The following CEP135 variants were observed in gnomAD, a reference collection of about 807,000 sequenced individuals.
CEP135 encodes the protein centrosomal protein 135.
Under a neutral mutation model 157.3 loss-of-function variants are expected in CEP135, and 142 were observed. That is an observed-to-expected ratio of 0.90 (90% confidence interval 0.79 to 1.04). The LOEUF (loss-of-function observed/expected upper bound fraction) is 1.04. CEP135 is among the 50% of genes least tolerant of loss of function. The pLI is 0.00. For missense variants in CEP135, 1,317 were observed against 1,309.2 expected (o/e 1.01, Z -0.09); for synonymous variants, 396 against 439.8 (o/e 0.90, Z 1.25).
intron 21 of CEP135, among the ~76,000 whole-genome samples, chr4:56,015,316 A>C (rs762565435): frequency 6.6e-6 from 1 of 152,222 alleles, no homozygotes; most frequent in Non-Finnish European, 1.5e-5. Context: ...TTCACCTTCA[A>C]GAAAAGGACA....
rs182860954 is a variant in CEP135 at position 55,972,946 on chromosome 4, C to T, written c.1249+1538C>T. Among the ~76,000 whole-genome samples, 709 of 152,108 alleles carry T rather than the reference C, an allele frequency of 4.7e-3. 4 individuals carry two copies. Among genetic ancestry groups the T allele is most frequent in the Middle Eastern group, 0.031 (9 of 294 alleles). ...ACTCAGGAGGCTGAGGCAGGAGAATCGCTTGAACCCGGAGGCGGAGGTTGC... is the reference window on the plus strand; with the variant it reads ...ACTCAGGAGGCTGAGGCAGGAGAATTGCTTGAACCCGGAGGCGGAGGTTGC... On this transcript the variant is annotated intron_variant, in intron 10 of 25. Transcript: ENST00000257287.
chr4:56,023,794 T>C (rs1046243496), intron 24 of CEP135, among the ~76,000 whole-genome samples: 1 of 141,522 alleles, frequency 7.1e-6, no homozygotes, highest in Non-Finnish European at 1.5e-5. Context: ...ATATAGTATA[T>C]TTATATATTA....
chr4:55,978,373 C>T (rs1214124004), intron 11 of CEP135, among the ~76,000 whole-genome samples: 1 of 152,036 alleles, frequency 6.6e-6, no homozygotes, highest in African/African-American at 2.4e-5. Flanking sequence ...AGAAAATATT[C>T]AAAATACTAT....
chr4:55,954,745 A>AT lies in CEP135; in HGVS notation c.472+366dup, dbSNP rs1728457794. Among the ~76,000 whole-genome samples, 3 of 152,250 alleles carry AT rather than the reference A, an allele frequency of 2.0e-5. No individual in the cohort carries two copies. In the South Asian group the frequency reaches 6.2e-4, roughly 32 times the overall value. On this transcript the variant is annotated intron_variant, in intron 4 of 25. Transcript: ENST00000257287. ...TGGAAATTATGTACTTTCTTAGTTTATTTTACTATTTTTAGCATTATGCTT... is the reference window on the plus strand; with the variant it reads ...TGGAAATTATGTACTTTCTTAGTTTATTTTTACTATTTTTAGCATTATGCTT...
chr4:56,011,555 T>A, intron 20 of CEP135, 33 bp downstream of exon 20: 1 of 1,436,650 alleles, frequency 7.0e-7, no homozygotes, highest in Non-Finnish European at 9.5e-7. Context: ...GATTTAAGAC[T>A]GAGGTTTTTT....
chr4:55,994,780 G>C (rs1287567837), intron 15 of CEP135, among the ~76,000 whole-genome samples: 1 of 150,156 alleles, frequency 6.7e-6, no homozygotes, highest in Non-Finnish European at 1.5e-5. Flanking sequence ...CTACCTCCCA[G>C]CTTCAAGCAA....
At chr4:55,994,882 C>T (rs897215181) in intron 15 of CEP135, among the ~76,000 whole-genome samples, 1 of 151,968 alleles carries the variant, frequency 6.6e-6, no homozygotes, top group Non-Finnish European at 1.5e-5. Context: ...GAAGGGGTTT[C>T]ACCATGTTGG....
At chr4:55,984,085 CAG>C (rs1222177517) in intron 13 of CEP135, among the ~76,000 whole-genome samples, 1 of 152,228 alleles carries the variant, frequency 6.6e-6, no homozygotes, top group East Asian at 1.9e-4. Flanking sequence ...ACACTGAAGT[CAG>C]AGTTATCTTT....
intron 14 of CEP135, among the ~76,000 whole-genome samples, chr4:55,990,695 G>A (rs1243692328): frequency 1.3e-5 from 2 of 151,940 alleles, no homozygotes; most frequent in Admixed American, 6.6e-5. Context: ...TAGAGACAGG[G>A]TCTCACTGTG....
chr4:55,953,167 T>A lies in CEP135; in HGVS notation c.196T>A (p.Phe66Ile). 6.2e-7 allele frequency: 1 copy of A among 1,608,438 alleles called. No homozygotes were observed. Among genetic ancestry groups the A allele is most frequent in the Non-Finnish European group, 8.5e-7 (1 of 1,178,318 alleles). ...KAEKESANFD[F>I]VLEPYKLENA... ...TGAAAAAGAAAGTGCCAATTTTGATTTTGTTTTGGAACCCTATAAACTTGA... is the reference window on the plus strand; with the variant it reads ...TGAAAAAGAAAGTGCCAATTTTGATATTGTTTTGGAACCCTATAAACTTGA... Residue 66 changes from phenylalanine (F) to isoleucine (I), a missense_variant, in exon 3 of 26, where the codon TTT becomes ATT. Physicochemically the swap from Phe to Ile is conservative, Grantham distance 21. Transcript: ENST00000257287.
rs1337988103 is a variant in CEP135, at chr4:56,020,667, GT to G, written c.3216-4del. 1.4e-5 allele frequency: 22 copies of G among 1,609,660 alleles called. No individual in the cohort carries two copies. In the East Asian group the frequency reaches 4.9e-4, roughly 36 times the overall value. ...CGTTTATTTCTTGATTTTTTAATTT[GT>G]TTTTAAGAACTAGTCAAAGCCGGGA... On this transcript the variant is annotated splice_region_variant and splice_polypyrimidine_tract_variant and intron_variant, in intron 23 of 25. Transcript: ENST00000257287.
chr4:55,999,354 T>C lies in CEP135; in HGVS notation c.2062T>C (p.Ser688Pro), dbSNP rs201809711. 4.3e-6 allele frequency: 7 copies of C among 1,614,178 alleles called. No homozygotes were observed. Among genetic ancestry groups the C allele is most frequent in the Admixed American group, 1.7e-5 (1 of 60,022 alleles). The change falls in exon 16 of 26, where the codon TCC becomes CCC. Residue 688 changes from serine to proline, a missense_variant. Coordinates refer to ENST00000257287, the MANE Select transcript of CEP135 (RefSeq NM_025009.5). ...RSVDDYQHRL[S>P]IKRGELESAQ... ...AGTTGATGACTATCAGCACCGACTT[T>C]CCATAAAAAGAGGTGAACTTGAATC... is the stretch of plus-strand genomic sequence containing the variant.
chr4:55,951,315 T>G (rs961953958), intron 1 of CEP135, among the ~76,000 whole-genome samples: 5 of 152,230 alleles, frequency 3.3e-5, no homozygotes, highest in Admixed American at 6.5e-5. Context: ...ATAAAAAAAC[T>G]GCCAGACTTT....
At chr4:56,026,686 C>T (rs1039178675) in intron 25 of CEP135, among the ~76,000 whole-genome samples, 8 of 152,176 alleles carry the variant, frequency 5.3e-5, no homozygotes, top group African/African-American at 1.9e-4. Flanking sequence ...TGTGTATGTT[C>T]AAGCTCTAGG....
chr4:55,967,998 A>G (rs568618265), intron 8 of CEP135, among the ~76,000 whole-genome samples: 1 of 152,360 alleles, frequency 6.6e-6, no homozygotes, highest in African/African-American at 2.4e-5. Flanking sequence ...AGATGGCATA[A>G]TTTTATATGT....
chr4:56,008,509 GC>G, intron 18 of CEP135, 127 bp downstream of exon 18: 1 of 712,336 alleles, frequency 1.4e-6, no homozygotes, highest in South Asian at 1.8e-5. Context: ...GTCAATGGTA[GC>G]ATCATTTTCT....
chr4:56,033,060 G>A lies in CEP135; in HGVS notation c.*1712G>A, dbSNP rs1731417572. 1 of 151,916 alleles carries A rather than the reference G, an allele frequency of 6.6e-6. No homozygotes were observed. Among genetic ancestry groups the A allele is most frequent in the African/African-American group, 2.4e-5 (1 of 41,362 alleles). The allele number at this position is 151,916 out of a possible 1,614,324, so 9.4% of individuals were successfully genotyped here. Reference sequence around the variant, plus strand: ...AAATACAAGAGACATGGGACTGTTTGCAATACCATATGGAAATCTTTTAAT... The same window carrying A: ...AAATACAAGAGACATGGGACTGTTTACAATACCATATGGAAATCTTTTAAT... On this transcript the variant is annotated 3_prime_UTR_variant, in exon 26 of 26. Transcript: ENST00000257287.
chr4:55,992,024 CA>C lies in CEP135; in HGVS notation c.1953del (p.Lys651AsnfsTer16). 6.2e-7 allele frequency: 1 copy of C among 1,610,048 alleles called. No homozygotes were observed. The highest frequency in any genetic ancestry group is 8.5e-7 in the Non-Finnish European group (1 of 1,178,598). Reference sequence around the variant, plus strand: ...AGAGAACAAATTAAAAGTCCAAGCTCAAAAATTTAGCCATGTGGCTGGTGAC... The same window carrying C: ...AGAGAACAAATTAAAAGTCCAAGCTCAAAATTTAGCCATGTGGCTGGTGAC... Reference protein sequence around the residue: ...SLENKLKVQAQKFSHVAGDSS... With the variant: ...SLENKLKVQAXKFSHVAGDSS... On this transcript the variant is annotated frameshift_variant, in exon 15 of 26. Transcript: ENST00000257287. LOFTEE classifies it high-confidence loss of function.
chr4:55,981,346 G>T lies in CEP135; in HGVS notation c.1746G>T (p.Met582Ile). The T allele has an allele frequency of 6.3e-7, 1 of 1,582,232 alleles. No individual in the cohort carries two copies. The highest frequency in any genetic ancestry group is 1.2e-5 in the South Asian group (1 of 83,738). ...CGTTATCTGACTTAAGAAGAATTAT[G>T]GCAGAAAAGGAAGCTTTAAGAGAAA... ...ELALSDLRRI[M>I]AEKEALREKL... Residue 582 changes from methionine to isoleucine, a missense_variant, in exon 13 of 26, where the codon ATG (methionine) becomes ATT (isoleucine). Transcript: ENST00000257287.
Sources: allele counts gnomAD v4.1 joint callset (sites outside exome capture counted in the v4.1 genomes callset), GRCh38; gene constraint gnomAD v4.1.1; transcripts MANE v1.5; gene names NCBI Gene and HGNC (gene_info 2026-07-23, HGNC 2026-07-21).